The following ATP10B variants were observed in gnomAD, a reference collection of about 807,000 sequenced individuals.
The protein encoded by ATP10B is phospholipid-transporting ATPase VB.
Under a neutral mutation model 141.2 loss-of-function variants are expected in ATP10B, and 122 were observed. That is an observed-to-expected ratio of 0.86 (90% confidence interval 0.75 to 1.00). The LOEUF (loss-of-function observed/expected upper bound fraction) is 1.00. Ranked by LOEUF, ATP10B falls within the 50% of genes least tolerant of loss-of-function variation. The probability of loss-of-function intolerance (pLI) is 0.00; values close to 1 mark genes in which losing one functional copy is unlikely to be tolerated. For missense variants in ATP10B, 1,876 were observed against 1,825.3 expected (o/e 1.03, Z -0.51); for synonymous variants, 685 against 692.0 (o/e 0.99, Z 0.16).
intron 2 of ATP10B, among the ~76,000 whole-genome samples, chr5:160,729,065 ATC>A (rs1334798937): frequency 6.6e-6 from 1 of 152,160 alleles, no homozygotes; most frequent in Non-Finnish European, 1.5e-5. Flanking sequence ...CAGAGGCTAA[ATC>A]TCTCTTGGCC....
At chr5:160,652,921 A>ATATGT (rs1172641353) in intron 7 of ATP10B, among the ~76,000 whole-genome samples, 2 of 80,880 alleles carry the variant, frequency 2.5e-5, no homozygotes, top group African/African-American at 5.9e-5. Context: ...ATGTATATAT[A>ATATGT]ATATATTATA....
chr5:160,820,149 A>G (rs1010904008), intron 1 of ATP10B, among the ~76,000 whole-genome samples: 2 of 151,914 alleles, frequency 1.3e-5, no homozygotes, highest in Non-Finnish European at 2.9e-5. Context: ...TTAATGAAAA[A>G]AAAAGAGGGA....
intron 2 of ATP10B, among the ~76,000 whole-genome samples, chr5:160,750,372 C>T (rs1437510306): frequency 3.9e-5 from 6 of 152,168 alleles, no homozygotes; most frequent in African/African-American, 9.7e-5. Context: ...AGCCCCAGCC[C>T]GCTCCTCCAT....
intron 2 of ATP10B, among the ~76,000 whole-genome samples, chr5:160,780,642 C>A (rs1463700002): frequency 6.6e-6 from 1 of 152,118 alleles, no homozygotes. Context: ...CTGAACTGAA[C>A]ACTCCTGAAA....
chr5:160,610,586 T>A (rs1028198697), intron 18 of ATP10B, among the ~76,000 whole-genome samples: 7 of 152,226 alleles, frequency 4.6e-5, no homozygotes, highest in Admixed American at 2.6e-4. Context: ...TTAGCATAGG[T>A]AATGTACTAA....
At chr5:160,813,565 T>C (rs184669704) in intron 1 of ATP10B, among the ~76,000 whole-genome samples, 138 of 152,296 alleles carry the variant, frequency 9.1e-4, no homozygotes, top group Admixed American at 2.9e-3. Flanking sequence ...GGGCAGGGCA[T>C]AGCCAAACAA....
intron 3 of ATP10B, among the ~76,000 whole-genome samples, chr5:160,714,687 C>T (rs1199831771): frequency 4.6e-5 from 5 of 107,592 alleles, no homozygotes; most frequent in African/African-American, 7.7e-5. Context: ...GGAGGAGAGG[C>T]GCTCTGCGTT....
chr5:160,869,174 A>T, the ATP10B span, among the ~76,000 whole-genome samples: 12 of 152,304 alleles, frequency 7.9e-5, no homozygotes, highest in African/African-American at 2.9e-4. Flanking sequence ...ATGTGTGTAC[A>T]CATAAACATG....
At chr5:160,721,317 T>C (rs1374079837) in intron 2 of ATP10B, among the ~76,000 whole-genome samples, 2 of 152,176 alleles carry the variant, frequency 1.3e-5, no homozygotes, top group African/African-American at 4.8e-5. Flanking sequence ...AGGTACAAAA[T>C]AGATTCTGCT....
intron 1 of ATP10B, among the ~76,000 whole-genome samples, chr5:160,802,247 A>G (rs781389519): frequency 2.4e-4 from 36 of 152,204 alleles, no homozygotes; most frequent in Non-Finnish European, 4.0e-4. Context: ...CTTCCACAGT[A>G]GTCAACGGGA....
the ATP10B span, among the ~76,000 whole-genome samples, chr5:160,893,749 G>GAGACACCTCCCAGCAGGGGTCGAC: frequency 1.3e-5 from 2 of 152,188 alleles, no homozygotes; most frequent in African/African-American, 4.8e-5. Flanking sequence ...TCCTAACTGG[G>GAGACACCTCCCAGCAGGGGTCGAC]AGACACCTCC....
intron 1 of ATP10B, among the ~76,000 whole-genome samples, chr5:160,810,469 G>GA (rs1182012338): frequency 6.6e-6 from 1 of 152,060 alleles, no homozygotes; most frequent in Non-Finnish European, 1.5e-5. Flanking sequence ...GATTTATGAA[G>GA]ATTTGTTTAT....
chr5:160,820,613 T>A (rs1348439774), intron 1 of ATP10B, among the ~76,000 whole-genome samples: 1 of 151,130 alleles, frequency 6.6e-6, no homozygotes, highest in African/African-American at 2.4e-5. Flanking sequence ...GGCCAATATC[T>A]CTGATGAATA....
intron 11 of ATP10B, among the ~76,000 whole-genome samples, chr5:160,635,816 A>G (rs1759323768): frequency 6.6e-6 from 1 of 151,162 alleles, no homozygotes; most frequent in Admixed American, 6.6e-5. Flanking sequence ...GTTGGGGCAG[A>G]GAGTTCTCTG....
the ATP10B span, among the ~76,000 whole-genome samples, chr5:160,880,881 G>A: frequency 6.6e-6 from 1 of 152,144 alleles, no homozygotes; most frequent in African/African-American, 2.4e-5. Flanking sequence ...CAGGTATGGT[G>A]ATGACTTTCT....
chr5:160,773,707 G>T (rs997443560), intron 2 of ATP10B, among the ~76,000 whole-genome samples: 3 of 152,068 alleles, frequency 2.0e-5, no homozygotes, highest in Non-Finnish European at 2.9e-5. Context: ...TTATTCTTCA[G>T]CAGTGTAGTG....
intron 3 of ATP10B, among the ~76,000 whole-genome samples, chr5:160,715,329 T>G (rs1765552997): frequency 7.5e-6 from 1 of 133,650 alleles, no homozygotes; most frequent in Non-Finnish European, 1.6e-5. Flanking sequence ...GCGCCGTTTC[T>G]TAAGCCGGTC....
rs140782622 is a variant in ATP10B at position 160,805,542 on chromosome 5, T to C, written c.-575-19739A>G. On this transcript the variant is annotated intron_variant, in intron 1 of 25. Coordinates refer to ENST00000327245, the MANE Select transcript of ATP10B (RefSeq NM_025153.3). The stretch of plus-strand genomic sequence containing the variant: ...ACGCATGTGGACATTTCTGGGTTAC[T>C]ACACTAACTGGGTCACGCTCACCTG... Among the ~76,000 whole-genome samples, 399 of 152,330 alleles carry C rather than the reference T, an allele frequency of 2.6e-3. 1 individual carries two copies. The highest frequency in any genetic ancestry group is 0.02 in the South Asian group (95 of 4,834).
chr5:160,668,226 C>CA (rs34528836), intron 7 of ATP10B, among the ~76,000 whole-genome samples: 1,240 of 112,656 alleles, frequency 0.011, 16 homozygotes, highest in African/African-American at 0.034. Flanking sequence ...CGAGACTGTC[C>CA]AAAAAAAAAA....
Sources: allele counts gnomAD v4.1 joint callset (sites outside exome capture counted in the v4.1 genomes callset), GRCh38; gene constraint gnomAD v4.1.1; transcripts MANE v1.5; gene names NCBI Gene and HGNC (gene_info 2026-07-23, HGNC 2026-07-21).